DUSP11: variants seen among roughly 807,000 people sequenced by gnomAD.
The protein encoded by DUSP11 is RNA/RNP complex-1-interacting phosphatase.
A neutral mutation model predicts 41.4 loss-of-function variants in DUSP11; 27 were observed. That is an observed-to-expected ratio of 0.65 (90% CI 0.48 to 0.90). The LOEUF is 0.90. DUSP11 is among the 40% of genes least tolerant of loss of function. The pLI, the probability that DUSP11 is intolerant of heterozygous loss-of-function variation, is 0.00. For synonymous variants in DUSP11, 188 were observed against 159.3 expected, an observed-to-expected ratio of 1.18 and a Z score of -1.35; for missense variants, 465 against 461.1, an observed-to-expected ratio of 1.01 and a Z score of -0.08.
chr2:73,779,481 T>C lies in DUSP11; in HGVS notation c.242+393A>G, dbSNP rs1249563159. ...GGAAACAATACAAACCAACTTTCCA[T>C]GTGAGATCTCAGGGCGCTACTACTG... On this transcript the variant is annotated intron_variant, in intron 1 of 8. Transcript: ENST00000272444. The C allele has an allele frequency of 1.4e-5, 3 of 218,144 alleles. No homozygotes were observed. The South Asian group carries it at 2.4e-4, about 17-fold the overall frequency. The allele number at this position is 218,144 out of a possible 1,614,324, so 13.5% of individuals were successfully genotyped here.
chr2:73,779,683 AATCACAGGAC>A (rs1208571037), intron 1 of DUSP11, 181 bp downstream of exon 1: 1 of 822,350 alleles, frequency 1.2e-6, no homozygotes, highest in Non-Finnish European at 1.9e-6. Flanking sequence ...AATATGGAGA[AATCACAGGAC>A]ATCACAGACA....
chr2:73,774,819 A>C (rs140241140), intron 3 of DUSP11, 94 bp downstream of exon 3: 1 of 1,124,110 alleles, frequency 8.9e-7, no homozygotes, highest in East Asian at 2.5e-5. Context: ...AAGAAGGCCA[A>C]GCTTCACATT....
At chr2:73,776,413 CAAAAAAAAA>C (rs70965758) in intron 2 of DUSP11, among the ~76,000 whole-genome samples, 13 of 99,434 alleles carry the variant, frequency 1.3e-4, no homozygotes, top group Non-Finnish European at 2.5e-4. Flanking sequence ...GACACCATCT[CAAAAAAAAA>C]AAAAAAAAAA....
intron 8 of DUSP11, among the ~76,000 whole-genome samples, chr2:73,764,876 G>C (rs1264436597): frequency 6.6e-6 from 1 of 152,114 alleles, no homozygotes; most frequent in Non-Finnish European, 1.5e-5. Context: ...TGAAGCAGGA[G>C]AACTGCTTGA....
chr2:73,769,434 A>G, intron 4 of DUSP11, 109 bp from the exon 5 acceptor site: 1 of 816,566 alleles, frequency 1.2e-6, no homozygotes, highest in East Asian at 2.6e-5. Context: ...TTTTTCTAGG[A>G]ACATACTATA....
At chr2:73,778,222 G>A in intron 2 of DUSP11, 79 bp downstream of exon 2, 2 of 912,842 alleles carry the variant, frequency 2.2e-6, no homozygotes, top group South Asian at 3.5e-5. Flanking sequence ...AGAGAAAATG[G>A]AATGTGATAG....
intron 2 of DUSP11, among the ~76,000 whole-genome samples, chr2:73,777,763 G>A (rs185087222): frequency 2.6e-5 from 4 of 152,304 alleles, no homozygotes; most frequent in African/African-American, 7.2e-5. Context: ...TAGATAAAAA[G>A]CTGTTCATAT....
intron 3 of DUSP11, among the ~76,000 whole-genome samples, chr2:73,774,180 T>C (rs2103943974): frequency 6.6e-6 from 1 of 152,356 alleles, no homozygotes; most frequent in East Asian, 1.9e-4. Flanking sequence ...TGTGAATGAA[T>C]GCATATTTAA....
chr2:73,764,733 G>T (rs953352322), intron 8 of DUSP11, among the ~76,000 whole-genome samples: 11 of 152,286 alleles, frequency 7.2e-5, no homozygotes, highest in African/African-American at 2.4e-4. Context: ...TTGGGAGGCC[G>T]AGGCAGGCAG....
chr2:73,769,426 T>G (rs1672531035), intron 4 of DUSP11, 101 bp from the exon 5 acceptor site: 1 of 903,738 alleles, frequency 1.1e-6, no homozygotes, highest in East Asian at 2.5e-5. Flanking sequence ...GGAATTGTTT[T>G]TTCTAGGAAC....
chr2:73,765,573 TATCCATCC>T (rs747641644), intron 8 of DUSP11, among the ~76,000 whole-genome samples: 8 of 151,476 alleles, frequency 5.3e-5, no homozygotes, highest in South Asian at 2.1e-4. Context: ...CCCATCCATC[TATCCATCC>T]ATCCATCCAT....
chr2:73,768,422 G>A (rs1338977604), intron 5 of DUSP11: 1 of 980,712 alleles, frequency 1.0e-6, no homozygotes, highest in African/African-American at 1.8e-5. Context: ...AGATGCTCAG[G>A]AGATATTTTC....
chr2:73,766,779 CAG>C, intron 7 of DUSP11, 47 bp downstream of exon 7: 2 of 1,487,278 alleles, frequency 1.3e-6, no homozygotes, highest in Non-Finnish European at 1.9e-6. Context: ...ATTACATAAA[CAG>C]AGATCTCCCT....
chr2:73,776,733 C>G (rs1468911069), intron 2 of DUSP11, among the ~76,000 whole-genome samples: 1 of 152,086 alleles, frequency 6.6e-6, no homozygotes, highest in African/African-American at 2.4e-5. Context: ...TTGATTCTTC[C>G]TTTTCTGAGC....
intron 8 of DUSP11, among the ~76,000 whole-genome samples, chr2:73,763,460 G>C (rs1190346045): frequency 6.6e-6 from 1 of 152,138 alleles, no homozygotes; most frequent in Non-Finnish European, 1.5e-5. Context: ...GTGGTGGCTC[G>C]CACTTGTAAT....
At chr2:73,775,718 G>T (rs1482201823) in intron 2 of DUSP11, among the ~76,000 whole-genome samples, 1 of 151,062 alleles carries the variant, frequency 6.6e-6, no homozygotes. Flanking sequence ...AGCCAGGGGT[G>T]GTGGCAGGCG....
intron 4 of DUSP11, among the ~76,000 whole-genome samples, chr2:73,771,892 C>T (rs1052110826): frequency 1.3e-5 from 2 of 151,184 alleles, no homozygotes; most frequent in Admixed American, 6.6e-5. Flanking sequence ...GCCATCTCCG[C>T]TCACTGAAAG....
intron 5 of DUSP11, 89 bp downstream of exon 5, chr2:73,769,176 T>C: frequency 9.0e-7 from 1 of 1,106,124 alleles, no homozygotes; most frequent in African/African-American, 1.6e-5. Context: ...TGTATTTCTA[T>C]ACCAGTTCCA....
chr2:73,778,375 A>G, exon 2 of DUSP11: 2 of 1,525,082 alleles, frequency 1.3e-6, no homozygotes, highest in Non-Finnish European at 1.8e-6. Flanking sequence ...TAGTCTTTCC[A>G]CCTATTAGAT....
Sources: gnomAD v4.1 joint callset for allele counts (sites outside exome capture counted in the v4.1 genomes callset) on GRCh38, gnomAD v4.1.1 for gene constraint, MANE v1.5 for transcripts, NCBI Gene and HGNC (gene_info 2026-07-23, HGNC 2026-07-21) for gene names.